CUX1: variants seen among roughly 807,000 people sequenced by gnomAD.
The protein encoded by CUX1 is protein CASP.
In CUX1, 31 loss-of-function variants were observed where a neutral mutation model predicts 158.8. That is an observed-to-expected ratio of 0.20 (90% CI 0.15 to 0.26). The LOEUF is 0.26. Ranked by LOEUF, CUX1 falls within the 10% of genes least tolerant of loss-of-function variation. The pLI, the probability that CUX1 is intolerant of heterozygous loss-of-function variation, is 1.00. For synonymous variants in CUX1, 879 were observed against 862.1 expected (o/e 1.02, Z -0.34); for missense variants, 1,589 against 2,014.6 (o/e 0.79, Z 4.04).
chr7:101,856,743 C>G lies in CUX1; in HGVS notation c.30+39074C>G, dbSNP rs150398032. On this transcript the variant is annotated intron_variant, in intron 1 of 23. Transcript: ENST00000292535. ...TACGCAGAAACCCTCCCGACTTTCACGAGGAGTTGACAGGTTTTCCTCTTC... is the reference window on the plus strand; with the variant it reads ...TACGCAGAAACCCTCCCGACTTTCAGGAGGAGTTGACAGGTTTTCCTCTTC... Among the ~76,000 whole-genome samples the G allele has an allele frequency of 2.6e-3, 397 of 152,304 alleles. 2 individuals carry two copies. The highest frequency in any genetic ancestry group is 9.2e-3 in the African/African-American group (382 of 41,550).
In CUX1 at chr7:102,091,824, C is replaced by T. The variant is rs569327540; in HGVS notation, c.269-5540C>T. Among the ~76,000 whole-genome samples the T allele has an allele frequency of 9.9e-5, 15 of 152,166 alleles. No individual in the cohort carries two copies. The East Asian group carries it at 2.9e-3, about 30-fold the overall frequency. On this transcript the variant is annotated intron_variant, in intron 4 of 23. Coordinates refer to ENST00000292535, the MANE Select transcript of CUX1 (RefSeq NM_181552.4). ...AGGCTGGAGTGTAGTGGTGTGACCT[C>T]GGCTCACTGCAACCTCCACCTCCCA...
chr7:102,118,901 G>A (rs942401586), intron 8 of CUX1, among the ~76,000 whole-genome samples: 6 of 152,274 alleles, frequency 3.9e-5, no homozygotes, highest in Admixed American at 1.3e-4. Flanking sequence ...ACAGGCGTGC[G>A]CCACCACATC....
chr7:102,089,574 T>C (rs182153518), intron 4 of CUX1, among the ~76,000 whole-genome samples: 57 of 152,342 alleles, frequency 3.7e-4, no homozygotes, highest in African/African-American at 1.1e-3. Context: ...TCCTTGCTCT[T>C]CAACAAGTGT....
chr7:101,983,895 G>A (rs1222872336), intron 2 of CUX1, among the ~76,000 whole-genome samples: 1 of 151,424 alleles, frequency 6.6e-6, no homozygotes, highest in Non-Finnish European at 1.5e-5. Context: ...CTAGCCGGGT[G>A]TGGTGGCATG....
chr7:102,055,087 T>A (rs1436112079), intron 3 of CUX1, among the ~76,000 whole-genome samples: 4 of 152,216 alleles, frequency 2.6e-5, no homozygotes, highest in Non-Finnish European at 5.9e-5. Context: ...GCATTGGCCA[T>A]CTTTCCATTT....
rs116243722 is a variant in CUX1, at chr7:102,225,128, C to A, written c.3131-2239C>A. ...ATCTGATTTGTAAGATTCACATTGC[C>A]CTAAAGATTTATACGGACCATTTCT... On this transcript the variant is annotated intron_variant, in intron 20 of 23. Coordinates refer to ENST00000292535, the MANE Select transcript of CUX1 (RefSeq NM_181552.4). Among the ~76,000 whole-genome samples, 734 of 152,162 alleles carry A rather than the reference C, an allele frequency of 4.8e-3. 3 individuals are homozygous for A. Among genetic ancestry groups the A allele is most frequent in the African/African-American group, 0.017 (697 of 41,516 alleles).
intron 3 of CUX1, among the ~76,000 whole-genome samples, chr7:102,041,145 A>G (rs924494096): frequency 6.6e-5 from 10 of 151,714 alleles, no homozygotes; most frequent in African/African-American, 2.2e-4. Context: ...AAAAAAAACA[A>G]AAATAAAAAA....
rs976968327 is a variant in CUX1, at chr7:102,089,244, T to C, written c.269-8120T>C. Among the ~76,000 whole-genome samples, 5 of 152,358 alleles carry C rather than the reference T, an allele frequency of 3.3e-5. No individual in the cohort carries two copies. The South Asian group carries it at 1.0e-3, about 32-fold the overall frequency. On this transcript the variant is annotated intron_variant, in intron 4 of 23. Transcript: ENST00000292535. ...ATATTTTTCTTTAAATCCTTGGACA[T>C]GCTGATAATAGATGTTCTAGTCTGC...
chr7:101,909,752 T>C (rs968615654), intron 1 of CUX1, among the ~76,000 whole-genome samples: 1 of 152,218 alleles, frequency 6.6e-6, no homozygotes, highest in African/African-American at 2.4e-5. Flanking sequence ...AGTATGTTTT[T>C]CCCACCAGCC....
intron 10 of CUX1, among the ~76,000 whole-genome samples, chr7:102,174,142 T>C (rs78601039): frequency 0.065 from 9,919 of 152,102 alleles, 448 homozygotes; most frequent in African/African-American, 0.12. Context: ...TTTAGTGAGA[T>C]GTAGCCCCGC....
At chr7:101,931,837 C>T (rs1453708803) in intron 2 of CUX1, among the ~76,000 whole-genome samples, 1 of 152,156 alleles carries the variant, frequency 6.6e-6, no homozygotes. Flanking sequence ...TGTGAGCTAC[C>T]GTACCCCTCA....
intron 2 of CUX1, among the ~76,000 whole-genome samples, chr7:101,945,279 G>T (rs1008891692): frequency 6.6e-6 from 1 of 152,052 alleles, no homozygotes; most frequent in African/African-American, 2.4e-5. Context: ...ACTTGCTTTC[G>T]ACACCTCCAC....
chr7:102,277,510 C>T (rs1207120622), intron 17 of CUX1, among the ~76,000 whole-genome samples: 1 of 151,822 alleles, frequency 6.6e-6, no homozygotes, highest in Admixed American at 6.6e-5. Flanking sequence ...GCAGGAGAAT[C>T]GCTTGAACCC....
intron 7 of CUX1, among the ~76,000 whole-genome samples, chr7:102,113,159 G>GT (rs1367011017): frequency 1.3e-5 from 2 of 152,166 alleles, no homozygotes; most frequent in South Asian, 2.1e-4. Flanking sequence ...AAAATGCAAA[G>GT]TTTTTTTTAC....
chr7:102,064,168 C>A (rs1441846940), intron 3 of CUX1, among the ~76,000 whole-genome samples: 1 of 151,908 alleles, frequency 6.6e-6, no homozygotes, highest in Non-Finnish European at 1.5e-5. Context: ...CAGTGTCTAA[C>A]CGTCTCTAGA....
chr7:102,266,707 C>G (rs1268894080), intron 14 of CUX1, among the ~76,000 whole-genome samples: 1 of 151,936 alleles, frequency 6.6e-6, no homozygotes, highest in Non-Finnish European at 1.5e-5. Context: ...CCAGGAGGGT[C>G]GGTGACCTGG....
chr7:102,222,554 C>G (rs73187849), intron 20 of CUX1, among the ~76,000 whole-genome samples: 30,893 of 152,016 alleles, frequency 0.2, 3,813 homozygotes, highest in Non-Finnish European at 0.28. Flanking sequence ...CCATTCACGC[C>G]TGGTATGAAA....
intron 20 of CUX1, among the ~76,000 whole-genome samples, chr7:102,216,536 A>C (rs1267813818): frequency 0.01 from 566 of 55,934 alleles, 7 homozygotes; most frequent in Middle Eastern, 0.033. Flanking sequence ...TCTCCCCCCC[A>C]CACACACACA....
chr7:101,934,583 A>G (rs1409970015), intron 2 of CUX1, among the ~76,000 whole-genome samples: 1 of 152,178 alleles, frequency 6.6e-6, no homozygotes, highest in Non-Finnish European at 1.5e-5. Context: ...AGTTAAAGAA[A>G]GGGTTTTGCA....
Sources: allele counts gnomAD v4.1 joint callset (sites outside exome capture counted in the v4.1 genomes callset), GRCh38; gene constraint gnomAD v4.1.1; transcripts MANE v1.5; gene names NCBI Gene and HGNC (gene_info 2026-07-23, HGNC 2026-07-21).